Variants in ANKS1B observed in about 807,000 individuals in gnomAD.
The protein encoded by ANKS1B is ankyrin repeat and sterile alpha motif domain containing 1B, also known as ankyrin repeat and sterile alpha motif domain-containing protein 1B.
Under a neutral mutation model 148.3 loss-of-function variants are expected in ANKS1B, and 36 were observed. The ratio of observed to expected loss-of-function variants is 0.24; its 90% CI spans 0.19 to 0.32. The LOEUF is 0.32. Ranked by LOEUF, ANKS1B falls within the 10% of genes least tolerant of loss-of-function variation. The pLI, the probability that ANKS1B is intolerant of heterozygous loss-of-function variation, is 1.00. For synonymous variants in ANKS1B, 542 were observed against 560.8 expected (o/e 0.97, Z 0.47); for missense variants, 1,157 against 1,542.6 (o/e 0.75, Z 4.19).
At chr12:99,853,254 C>A (rs2088296825) in intron 1 of ANKS1B, among the ~76,000 whole-genome samples, 1 of 152,134 alleles carries the variant, frequency 6.6e-6, no homozygotes, top group South Asian at 2.1e-4. Context: ...GAAAGTGCCA[C>A]CTCCTGGTTT....
At position 98,829,561 on chromosome 12, in the gene ANKS1B, A is replaced by G. The variant is rs1416199787; in HGVS notation, c.2887-208T>C. On this transcript the variant is annotated intron_variant, in intron 18 of 26. Coordinates refer to ENST00000683438, the MANE Select transcript of ANKS1B (RefSeq NM_001352186.2). The surrounding 1 kb of genome is among the most constrained non-coding windows in gnomAD (Gnocchi z 5.2). ...TAAGTATTTCAGGTCAAAGGTCTGA[A>G]ATATCAAGAGTCAGGTTCTGTTTTC... Among the ~76,000 whole-genome samples the G allele has an allele frequency of 6.6e-6, 1 of 152,172 alleles. No individual in the cohort carries two copies. The highest frequency in any genetic ancestry group is 1.5e-5 in the Non-Finnish European group (1 of 68,034).
At chr12:99,821,592 T>C (rs2082508667) in intron 2 of ANKS1B, among the ~76,000 whole-genome samples, 1 of 152,018 alleles carries the variant, frequency 6.6e-6, no homozygotes, top group East Asian at 1.9e-4. Flanking sequence ...AGGAGGGATA[T>C]GAATGCTAAT....
chr12:99,559,406 A>G (rs547224703), intron 9 of ANKS1B, among the ~76,000 whole-genome samples: 1 of 152,304 alleles, frequency 6.6e-6, no homozygotes, highest in Non-Finnish European at 1.5e-5. Flanking sequence ...ACCTCCCCAC[A>G]TCTCTCAATC....
At chr12:99,950,737 C>A (rs375416180) in intron 1 of ANKS1B, among the ~76,000 whole-genome samples, 1 of 152,222 alleles carries the variant, frequency 6.6e-6, no homozygotes, top group Non-Finnish European at 1.5e-5. Flanking sequence ...ACCACCCCCC[C>A]CAATAACCCT....
At chr12:99,758,865 A>G (rs1411384570) in intron 8 of ANKS1B, among the ~76,000 whole-genome samples, 2 of 151,978 alleles carry the variant, frequency 1.3e-5, no homozygotes, top group African/African-American at 4.8e-5. Flanking sequence ...AAGGGGCACC[A>G]GGCTAGGTAA....
chr12:99,858,881 G>A (rs993583662), intron 1 of ANKS1B, among the ~76,000 whole-genome samples: 5 of 152,166 alleles, frequency 3.3e-5, no homozygotes, highest in African/African-American at 1.2e-4. Flanking sequence ...CGGGGAAAGA[G>A]GGGGCGGGTG....
intron 11 of ANKS1B, among the ~76,000 whole-genome samples, chr12:99,432,700 T>C (rs970830398): frequency 6.6e-6 from 1 of 152,066 alleles, no homozygotes; most frequent in African/African-American, 2.4e-5. Flanking sequence ...TCTCATAAGG[T>C]AGTATTTGAA....
intron 1 of ANKS1B, among the ~76,000 whole-genome samples, chr12:99,962,910 C>T (rs2095434694): frequency 6.6e-6 from 1 of 150,896 alleles, no homozygotes; most frequent in South Asian, 2.1e-4. Context: ...GCCTCCCGGG[C>T]TCACGCCATT....
chr12:98,899,225 T>C (rs542115708), intron 17 of ANKS1B, among the ~76,000 whole-genome samples: 4 of 152,350 alleles, frequency 2.6e-5, no homozygotes, highest in Non-Finnish European at 5.9e-5. Flanking sequence ...CTTGAGTAAG[T>C]TACTTTTTTG....
chr12:99,449,981 AT>A, intron 10 of ANKS1B, among the ~76,000 whole-genome samples: 1 of 152,222 alleles, frequency 6.6e-6, no homozygotes, highest in East Asian at 1.9e-4. Context: ...ATTAGCTCAT[AT>A]AATTAATGGA....
rs577474890 is a variant in ANKS1B, at chr12:99,135,059, TA to T, written c.2526+19229del. Among the ~76,000 whole-genome samples the T allele has an allele frequency of 3.4e-3, 513 of 152,108 alleles. 2 individuals are homozygous for T. Among genetic ancestry groups the T allele is most frequent in the African/African-American group, 0.012 (493 of 41,482 alleles). Reference sequence around the variant, plus strand: ...CCAATAATCTCAATATAAAAATAACTAACCTCTAACTGGTGTTTCTAACAGG... The same window carrying T: ...CCAATAATCTCAATATAAAAATAACTACCTCTAACTGGTGTTTCTAACAGG... On this transcript the variant is annotated intron_variant, in intron 15 of 26. Coordinates refer to ENST00000683438, the MANE Select transcript of ANKS1B (RefSeq NM_001352186.2).
intron 12 of ANKS1B, among the ~76,000 whole-genome samples, chr12:99,334,147 T>C (rs1482499605): frequency 1.3e-5 from 2 of 150,228 alleles, no homozygotes; most frequent in African/African-American, 5.0e-5. Flanking sequence ...GATAGATAGA[T>C]AGATAGACAG....
chr12:98,915,836 T>C (rs1201367150), intron 17 of ANKS1B, among the ~76,000 whole-genome samples: 2 of 152,218 alleles, frequency 1.3e-5, no homozygotes, highest in African/African-American at 2.4e-5. Context: ...AAACACACCA[T>C]GGTGAACGGG....
chr12:99,411,504 C>A (rs1038018261), intron 11 of ANKS1B, among the ~76,000 whole-genome samples: 16 of 152,072 alleles, frequency 1.1e-4, no homozygotes, highest in Admixed American at 1.3e-4. Flanking sequence ...AATAGCACCG[C>A]AATAAACATA....
chr12:99,052,618 C>T (rs1453547177), intron 17 of ANKS1B, among the ~76,000 whole-genome samples: 5 of 146,836 alleles, frequency 3.4e-5, no homozygotes, highest in African/African-American at 5.0e-5. Context: ...GTCCCAGCTA[C>T]TCGGGAGGCT....
At chr12:99,488,121 A>G (rs887371759) in intron 10 of ANKS1B, among the ~76,000 whole-genome samples, 1 of 152,108 alleles carries the variant, frequency 6.6e-6, no homozygotes, top group Non-Finnish European at 1.5e-5. Context: ...TTTAGCCTTC[A>G]ATTAAATTTT....
chr12:99,377,727 G>T (rs1348324112), intron 12 of ANKS1B, among the ~76,000 whole-genome samples: 1 of 152,126 alleles, frequency 6.6e-6, no homozygotes, highest in East Asian at 1.9e-4. Context: ...ATTTGTTTAT[G>T]TTTAAAAATG....
chr12:99,184,384 C>T (rs1214849350), intron 14 of ANKS1B, among the ~76,000 whole-genome samples: 1 of 152,132 alleles, frequency 6.6e-6, no homozygotes, highest in Non-Finnish European at 1.5e-5. Context: ...ATAGGAGGTA[C>T]AGTTTAGCTC....
At chr12:99,731,742 T>G (rs1600871655) in intron 8 of ANKS1B, among the ~76,000 whole-genome samples, 2 of 152,252 alleles carry the variant, frequency 1.3e-5, no homozygotes, top group South Asian at 4.1e-4. Context: ...TTTGTAATTT[T>G]GGGATAGGCA....
Sources: allele counts gnomAD v4.1 joint callset (sites outside exome capture counted in the v4.1 genomes callset), GRCh38; gene constraint gnomAD v4.1.1; non-coding constraint Gnocchi (gnomAD v3.1); transcripts MANE v1.5; gene names NCBI Gene and HGNC (gene_info 2026-07-23, HGNC 2026-07-21).